DIP2C: variants seen among roughly 807,000 people sequenced by gnomAD.
The protein encoded by DIP2C is disco-interacting protein 2 homolog C.
DIP2C carries 33 observed loss-of-function variants against 192.4 expected under a neutral mutation model. The observed-to-expected ratio is 0.17, with a 90% CI of 0.13 to 0.23. DIP2C has a LOEUF of 0.23. DIP2C is among the 10% of genes least tolerant of loss of function. The pLI is 1.00. For synonymous variants in DIP2C, 979 were observed against 864.1 expected (o/e 1.13, Z -2.33); for missense variants, 1,537 against 2,110.1 (o/e 0.73, Z 5.32).
At chr10:457,514 T>C (rs1969398173) in intron 3 of DIP2C, among the ~76,000 whole-genome samples, 1 of 152,212 alleles carries the variant, frequency 6.6e-6, no homozygotes, top group Non-Finnish European at 1.5e-5. Flanking sequence ...ATGTCCAAAA[T>C]TCCCTCTTTA....
intron 1 of DIP2C, among the ~76,000 whole-genome samples, chr10:633,204 T>A (rs1854627136): frequency 6.6e-6 from 1 of 152,372 alleles, no homozygotes. Context: ...GCTTCTACAT[T>A]TCTTCATGTC....
intron 27 of DIP2C, 22 bp downstream of exon 27, chr10:344,977 C>T (rs1958360303): frequency 1.2e-6 from 2 of 1,609,576 alleles, no homozygotes; most frequent in Non-Finnish European, 1.7e-6. Context: ...AGCAAACCAC[C>T]TTCTGCAGCT....
At chr10:431,762 C>G (rs1162606983) in intron 4 of DIP2C, among the ~76,000 whole-genome samples, 1 of 152,178 alleles carries the variant, frequency 6.6e-6, no homozygotes, top group Non-Finnish European at 1.5e-5. Flanking sequence ...GCTAGGACTT[C>G]TAGTACAATG....
At chr10:305,562 A>G (rs1956277558) in intron 32 of DIP2C, among the ~76,000 whole-genome samples, 1 of 152,236 alleles carries the variant, frequency 6.6e-6, no homozygotes, top group Admixed American at 6.5e-5. Context: ...ACTTCAGGTT[A>G]CAAGCCCGGA....
At position 363,377 on chromosome 10, in the gene DIP2C, C is replaced by G; in HGVS notation, c.2478-66G>C. ...GCTCATGCAGCCCTCCCTCCGCCAT[C>G]AGGGGCTCCATAACCATCACTAGTG... On this transcript the variant is annotated intron_variant, in intron 20 of 36. Coordinates refer to ENST00000280886, the MANE Select transcript of DIP2C (RefSeq NM_014974.3). This position sits in a 1 kb window ranked among gnomAD's most constrained non-coding sequence, Gnocchi z 5.4. 1 of 1,387,154 alleles carries G rather than the reference C, an allele frequency of 7.2e-7. No individual in the cohort carries two copies. The highest frequency in any genetic ancestry group is 1.2e-5 in the South Asian group (1 of 83,928). 85.9% of individuals were successfully genotyped at this position (1,387,154 alleles called of 1,614,324 possible). A position where few individuals can be genotyped will look rare whatever the true frequency, so the allele number is the denominator to read the frequency against.
At chr10:585,543 T>G (rs1316203077) in intron 1 of DIP2C, among the ~76,000 whole-genome samples, 4 of 152,152 alleles carry the variant, frequency 2.6e-5, no homozygotes, top group Admixed American at 6.5e-5. Flanking sequence ...ATCCTGAAGC[T>G]CCAACACTCA....
At chr10:485,267 G>C (rs949144345) in intron 2 of DIP2C, among the ~76,000 whole-genome samples, 3 of 152,246 alleles carry the variant, frequency 2.0e-5, no homozygotes, top group Non-Finnish European at 2.9e-5. Context: ...CTGCAGAGGG[G>C]AACTCACAGG....
At chr10:590,470 G>T (rs1851334806) in intron 1 of DIP2C, among the ~76,000 whole-genome samples, 1 of 152,218 alleles carries the variant, frequency 6.6e-6, no homozygotes, top group African/African-American at 2.4e-5. Context: ...CCGAACCTCA[G>T]TGAGGAACTT....
At chr10:400,544 C>A (rs1191561204) in intron 9 of DIP2C, among the ~76,000 whole-genome samples, 1 of 152,064 alleles carries the variant, frequency 6.6e-6, no homozygotes, top group Non-Finnish European at 1.5e-5. Context: ...CACATGAATC[C>A]TGTGATTTTA....
At chr10:481,013 C>T (rs373635964) in intron 2 of DIP2C, among the ~76,000 whole-genome samples, 2 of 152,322 alleles carry the variant, frequency 1.3e-5, no homozygotes, top group African/African-American at 2.4e-5. Flanking sequence ...GCAACCTGCC[C>T]GGGACAGGTC....
chr10:343,440 C>A (rs1449043329), intron 28 of DIP2C, among the ~76,000 whole-genome samples: 1 of 152,224 alleles, frequency 6.6e-6, no homozygotes, highest in African/African-American at 2.4e-5. Context: ...GGTGAGAGAA[C>A]TTGGAGGTGG....
rs11290099 is a variant in DIP2C at position 537,793 on chromosome 10, A to AT, written c.86-51264dup. On this transcript the variant is annotated intron_variant, in intron 1 of 36. Transcript: ENST00000280886. ...TCGAGCAGTTATCTTTCGTCTGCGAATTTTTTTTTTTCCCCCGAGACCGAG... is the reference window on the plus strand; with the variant it reads ...TCGAGCAGTTATCTTTCGTCTGCGAATTTTTTTTTTTTCCCCCGAGACCGAG... Among the ~76,000 whole-genome samples the AT allele has an allele frequency of 2.6e-4, 38 of 148,644 alleles. 1 individual carries two copies. Among genetic ancestry groups the AT allele is most frequent in the Middle Eastern group, 3.4e-3 (1 of 294 alleles).
rs770034597 is a variant in DIP2C, at chr10:414,102, G to T, written c.868C>A (p.Pro290Thr). 1.1e-5 allele frequency: 17 copies of T among 1,611,400 alleles called. No homozygotes were observed. Among genetic ancestry groups the T allele is most frequent in the Non-Finnish European group, 1.4e-5 (17 of 1,177,856 alleles). Residue 290 changes from proline (P) to threonine (T), a missense_variant, in exon 8 of 37, where the codon CCG (proline) becomes ACG (threonine). Physicochemically the swap from Pro to Thr is conservative, Grantham distance 38. Around this residue, in one of 4 missense-constraint regions of DIP2C, gnomAD observed 473 missense variants for 539.6 expected, o/e 0.88. Transcript: ENST00000280886. ...DFEELLEVQQ[P>T]DPNQPKPEGA... The stretch of plus-strand genomic sequence containing the variant: ...TCCGGCTTTGGTTGGTTCGGATCCG[G>T]TTGTTGAACTAAATCGTTTGAATAC...
chr10:384,162 GAAAT>G lies in DIP2C; in HGVS notation c.1757-20_1757-17del, dbSNP rs756051917. ...GCCACTTTTGCTAAAAAGAAAAATAGAAATAAGTTAACATGTGCCACCGTCAGAT... is the reference window on the plus strand; with the variant it reads ...GCCACTTTTGCTAAAAAGAAAAATAGAAGTTAACATGTGCCACCGTCAGAT... On this transcript the variant is annotated splice_polypyrimidine_tract_variant and intron_variant, in intron 15 of 36. Coordinates refer to ENST00000280886, the MANE Select transcript of DIP2C (RefSeq NM_014974.3). 9 of 1,600,674 alleles carry G rather than the reference GAAAT, an allele frequency of 5.6e-6. No individual in the cohort carries two copies. The highest frequency in any genetic ancestry group is 7.7e-6 in the Non-Finnish European group (9 of 1,173,818).
Position 390,057 on chromosome 10 carries a change from T to G in DIP2C, c.1531A>C (p.Thr511Pro). The G allele has an allele frequency of 6.2e-7, 1 of 1,614,094 alleles. No homozygotes were observed. The highest frequency in any genetic ancestry group is 8.5e-7 in the Non-Finnish European group (1 of 1,179,994). Residue 511 changes from threonine to proline, a missense_variant, in exon 13 of 37, where the codon ACG (threonine) becomes CCG (proline). By Grantham distance (38) the Thr-to-Pro change is conservative. Around this residue, in one of 4 missense-constraint regions of DIP2C, gnomAD observed 677 missense variants for 989.9 expected, o/e 0.68. Transcript: ENST00000280886. ...TCKDGSVLGVTVTRTALLTHC... is the reference protein window; with the variant it reads ...TCKDGSVLGVPVTRTALLTHC... ...GTCAGCAGCGCAGTCCTCGTCACCG[T>G]CACACCCAGCACACTGCCATCCTTA... is the stretch of plus-strand genomic sequence containing the variant.
In DIP2C at chr10:441,012, CTCAG is replaced by C. The variant is rs1191504616; in HGVS notation, c.269-20_269-17del. 1.3e-5 allele frequency: 21 copies of C among 1,606,814 alleles called. No individual in the cohort carries two copies. Among genetic ancestry groups the C allele is most frequent in the African/African-American group, 5.3e-5 (4 of 74,900 alleles). The stretch of plus-strand genomic sequence containing the variant: ...GTGTGGACGTCTGAAACGGAGAGAG[CTCAG>C]TCACTCAGTGCTCAGCTGAGGTCCC... On this transcript the variant is annotated splice_polypyrimidine_tract_variant and intron_variant, in intron 3 of 36. Coordinates refer to ENST00000280886, the MANE Select transcript of DIP2C (RefSeq NM_014974.3).
At chr10:514,960 T>TC (rs1429805770) in intron 1 of DIP2C, among the ~76,000 whole-genome samples, 1 of 152,210 alleles carries the variant, frequency 6.6e-6, no homozygotes, top group African/African-American at 2.4e-5. Flanking sequence ...TTTTTTAACT[T>TC]CTTTTATACA....
chr10:276,988 T>C lies in DIP2C; in HGVS notation c.*337A>G, dbSNP rs1349735737. The C allele has an allele frequency of 4.3e-6, 1 of 233,298 alleles. No individual in the cohort carries two copies. The highest frequency in any genetic ancestry group is 9.8e-5 in the East Asian group (1 of 10,158). 14.5% of individuals were successfully genotyped at this position (233,298 alleles called of 1,614,324 possible). ...GGCAGGATATTTTTTTAATTGCTAT[T>C]TCGGCTTAACAAAATACCACATTTA... On this transcript the variant is annotated 3_prime_UTR_variant, in exon 37 of 37. Transcript: ENST00000280886.
At chr10:591,652 T>C (rs960253211) in intron 1 of DIP2C, among the ~76,000 whole-genome samples, 2 of 152,192 alleles carry the variant, frequency 1.3e-5, no homozygotes, top group Non-Finnish European at 2.9e-5. Flanking sequence ...CAACTTCCCT[T>C]TTCATCTGCC....
Sources: gnomAD v4.1 joint callset for allele counts (sites outside exome capture counted in the v4.1 genomes callset) on GRCh38, gnomAD v4.1.1 for gene constraint, gnomAD v4.1.1 regional missense constraint, Gnocchi (gnomAD v3.1) non-coding constraint, MANE v1.5 for transcripts, NCBI Gene and HGNC (gene_info 2026-07-23, HGNC 2026-07-21) for gene names.